The following PIP5K1A variants were observed in gnomAD, a reference collection of about 807,000 sequenced individuals.
PIP5K1A encodes phosphatidylinositol-4-phosphate 5-kinase type 1 alpha, also known as phosphatidylinositol 4-phosphate 5-kinase type-1 alpha.
Under a neutral mutation model 72.9 loss-of-function variants are expected in PIP5K1A, and 46 were observed. That is an observed-to-expected ratio of 0.63 (90% CI 0.50 to 0.81). PIP5K1A has a LOEUF of 0.81. Among genes scored for constraint, PIP5K1A ranks in the 30% least tolerant of loss-of-function variants. PIP5K1A has a pLI of 0.00. For missense variants in PIP5K1A, 458 were observed against 706.1 expected, an observed-to-expected ratio of 0.65 and a Z score of 3.98; for synonymous variants, 228 against 255.1, an observed-to-expected ratio of 0.89 and a Z score of 1.01.
At chr1:151,222,022 G>A (rs1688461256) in intron 1 of PIP5K1A, among the ~76,000 whole-genome samples, 1 of 152,204 alleles carries the variant, frequency 6.6e-6, no homozygotes, top group Non-Finnish European at 1.5e-5. Flanking sequence ...GGGAGGAAGG[G>A]GCTGCAGTGA....
chr1:151,206,274 C>T (rs187987573), intron 1 of PIP5K1A, among the ~76,000 whole-genome samples: 61 of 152,070 alleles, frequency 4.0e-4, no homozygotes, highest in Non-Finnish European at 6.9e-4. Context: ...ATATCTAATT[C>T]CTGGAAAATC....
At chr1:151,225,343 C>G (rs959928607) in intron 3 of PIP5K1A, among the ~76,000 whole-genome samples, 9 of 152,170 alleles carry the variant, frequency 5.9e-5, no homozygotes, top group Admixed American at 2.0e-4. Flanking sequence ...CCACTAGTCT[C>G]TCAGCCTTCT....
chr1:151,201,638 A>T (rs755416822), intron 1 of PIP5K1A, among the ~76,000 whole-genome samples: 1 of 152,038 alleles, frequency 6.6e-6, no homozygotes, highest in Non-Finnish European at 1.5e-5. Flanking sequence ...TTACAGGCAT[A>T]TCGCAAGGTC....
chr1:151,214,197 G>A (rs1447037286), intron 1 of PIP5K1A, among the ~76,000 whole-genome samples: 1 of 152,008 alleles, frequency 6.6e-6, no homozygotes, highest in Non-Finnish European at 1.5e-5. Flanking sequence ...TTCCAATAAT[G>A]GGATCTATGC....
At chr1:151,233,706 T>TG (rs1254679246) in intron 7 of PIP5K1A, 1 of 154,266 alleles carries the variant, frequency 6.5e-6, no homozygotes, top group Non-Finnish European at 1.4e-5. Context: ...CCCAAAGTGC[T>TG]GGGGTTACAG....
chr1:151,195,774 A>G (rs1223722736), upstream of PIP5K1A, among the ~76,000 whole-genome samples: 1 of 150,062 alleles, frequency 6.7e-6, no homozygotes, highest in African/African-American at 2.5e-5. Context: ...GAATTCACAG[A>G]TTAGCTCACA....
At chr1:151,227,578 T>G (rs1326419658) in intron 4 of PIP5K1A, among the ~76,000 whole-genome samples, 178 bp downstream of exon 4, 2 of 152,212 alleles carry the variant, frequency 1.3e-5, no homozygotes, top group Non-Finnish European at 2.9e-5. Flanking sequence ...GTCTCCTTTT[T>G]GTATATGAAT....
intron 14 of PIP5K1A, 122 bp downstream of exon 14, chr1:151,242,689 CAT>C (rs1307654638): frequency 1.2e-6 from 1 of 869,562 alleles, no homozygotes; most frequent in African/African-American, 1.7e-5. Context: ...AAATAACAAA[CAT>C]ATATCATACT....
At position 151,232,302 on chromosome 1, in the gene PIP5K1A, C is replaced by G; in HGVS notation, c.423C>G (p.Thr141=). ...ACTACAATGACTTTCGTTTCAAGAC[C>G]TATGCACCTGTTGCCTTCCGCTACT... ...AHHYNDFRFK[T]YAPVAFRYFR... is the part of the protein sequence containing the mutation. The change falls in exon 6 of 16, where the codon ACC becomes ACG. Residue 141 remains threonine, a synonymous_variant. Coordinates refer to ENST00000368888, the MANE Select transcript of PIP5K1A (RefSeq NM_001135638.2). 6 of 1,614,144 alleles carry G rather than the reference C, an allele frequency of 3.7e-6. No homozygotes were observed. Among genetic ancestry groups the G allele is most frequent in the Non-Finnish European group, 5.1e-6 (6 of 1,179,998 alleles).
intron 1 of PIP5K1A, among the ~76,000 whole-genome samples, chr1:151,216,778 G>C (rs587611713): frequency 1.4e-4 from 22 of 151,854 alleles, no homozygotes; most frequent in African/African-American, 5.3e-4. Context: ...TACGTAACTT[G>C]TTGAATTCTC....
chr1:151,243,593 G>A (rs148063465), intron 14 of PIP5K1A, among the ~76,000 whole-genome samples: 1 of 152,284 alleles, frequency 6.6e-6, no homozygotes, highest in East Asian at 1.9e-4. Context: ...ATAATTCTCC[G>A]TGGTTCTTGG....
At chr1:151,241,612 C>G (rs1005380439) in intron 12 of PIP5K1A, among the ~76,000 whole-genome samples, 1 of 151,982 alleles carries the variant, frequency 6.6e-6, no homozygotes. Context: ...ACCAGCCTGA[C>G]CAACATGGTG....
intron 1 of PIP5K1A, among the ~76,000 whole-genome samples, chr1:151,200,082 C>CA (rs1685008971): frequency 6.6e-6 from 1 of 151,772 alleles, no homozygotes; most frequent in South Asian, 2.1e-4. Flanking sequence ...AAATTAAGGT[C>CA]AAAGACCTTA....
chr1:151,197,793 CAG>C (rs769443189), upstream of PIP5K1A, among the ~76,000 whole-genome samples: 4 of 152,216 alleles, frequency 2.6e-5, no homozygotes, highest in Non-Finnish European at 5.9e-5. Flanking sequence ...ACAGTCTGCT[CAG>C]AGAGACTGGT....
chr1:151,207,534 C>CTTT (rs11384537), intron 1 of PIP5K1A, among the ~76,000 whole-genome samples: 4 of 141,826 alleles, frequency 2.8e-5, no homozygotes, highest in Non-Finnish European at 4.6e-5. Context: ...CAAGATTAAT[C>CTTT]TTTTTTTTTT....
intron 1 of PIP5K1A, among the ~76,000 whole-genome samples, chr1:151,209,875 A>C (rs912632388): frequency 6.7e-6 from 1 of 149,288 alleles, no homozygotes; most frequent in Non-Finnish European, 1.5e-5. Flanking sequence ...ACTAGCCTGC[A>C]TTTTTTTTTC....
intron 9 of PIP5K1A, among the ~76,000 whole-genome samples, chr1:151,237,656 T>C (rs917844813): frequency 6.6e-6 from 1 of 151,700 alleles, no homozygotes; most frequent in Non-Finnish European, 1.5e-5. Context: ...AATGGGACCC[T>C]GTGTCAAAAA....
At chr1:151,199,571 G>A (rs1323499451) in intron 1 of PIP5K1A, among the ~76,000 whole-genome samples, 1 of 151,472 alleles carries the variant, frequency 6.6e-6, no homozygotes, top group Non-Finnish European at 1.5e-5. Context: ...CCGAGATTGG[G>A]CCACTGCTCT....
rs587604171 is a variant in PIP5K1A at position 151,241,152 on chromosome 1, G to A, written c.1364-971G>A. On this transcript the variant is annotated intron_variant, in intron 12 of 15. Coordinates refer to ENST00000368888, the MANE Select transcript of PIP5K1A (RefSeq NM_001135638.2). ...CACTCCAGCCTGGGTGACAAGAGAG[G>A]AAACTTCATCTCAAAAAAAGTTATC... Among the ~76,000 whole-genome samples the A allele has an allele frequency of 1.7e-4, 26 of 151,780 alleles. No individual in the cohort carries two copies. The South Asian group carries it at 5.2e-3, about 30-fold the overall frequency.
Sources: allele counts gnomAD v4.1 joint callset (sites outside exome capture counted in the v4.1 genomes callset), GRCh38; gene constraint gnomAD v4.1.1; transcripts MANE v1.5; gene names NCBI Gene and HGNC (gene_info 2026-07-23, HGNC 2026-07-21).